Variants in NTM observed in about 807,000 individuals in gnomAD.
The protein encoded by NTM is IgLON family member 2.
NTM carries 13 observed loss-of-function variants against 42.1 expected under a neutral mutation model. That is an observed-to-expected ratio of 0.31 (90% CI 0.20 to 0.49). The LOEUF (loss-of-function observed/expected upper bound fraction) is 0.49. Among genes scored for constraint, NTM ranks in the 20% least tolerant of loss-of-function variants. NTM has a pLI of 0.99. For synonymous variants in NTM, 187 were observed against 179.2 expected (o/e 1.04, Z -0.35); for missense variants, 373 against 452.8 (o/e 0.82, Z 1.60).
chr11:131,472,761 A>G (rs1952563191), intron 1 of NTM, among the ~76,000 whole-genome samples: 1 of 152,116 alleles, frequency 6.6e-6, no homozygotes, highest in African/African-American at 2.4e-5. Flanking sequence ...TATTTAGCAT[A>G]CCCACTTGAT....
At chr11:131,590,992 G>A (rs78420587) in intron 1 of NTM, among the ~76,000 whole-genome samples, 5,512 of 152,218 alleles carry the variant, frequency 0.036, 290 homozygotes, top group African/African-American at 0.12. Context: ...GAAGGGCTCC[G>A]GGTAACCTGA....
At chr11:131,904,793 C>G (rs2053628910) in intron 1 of NTM, among the ~76,000 whole-genome samples, 2 of 152,172 alleles carry the variant, frequency 1.3e-5, no homozygotes, top group Admixed American at 1.3e-4. Context: ...TCCTCTTTTG[C>G]AAGCACAGGC....
intron 1 of NTM, among the ~76,000 whole-genome samples, chr11:131,431,199 T>A (rs1948622201): frequency 2.0e-5 from 3 of 152,104 alleles, no homozygotes; most frequent in Admixed American, 2.0e-4. Context: ...GTCATGTGCA[T>A]CTCTCATTCG....
At chr11:132,224,310 G>A (rs2085750697) in intron 4 of NTM, among the ~76,000 whole-genome samples, 1 of 152,132 alleles carries the variant, frequency 6.6e-6, no homozygotes, top group Non-Finnish European at 1.5e-5. Flanking sequence ...ATGGTCTCGG[G>A]GAGCATCTTG....
At chr11:131,875,216 T>A (rs1475602607) in intron 1 of NTM, among the ~76,000 whole-genome samples, 1 of 152,218 alleles carries the variant, frequency 6.6e-6, no homozygotes, top group Non-Finnish European at 1.5e-5. Flanking sequence ...AAATTCTGGT[T>A]TATTGGTTTT....
At chr11:132,175,627 G>A (rs186007231) in intron 3 of NTM, among the ~76,000 whole-genome samples, 70 of 150,898 alleles carry the variant, frequency 4.6e-4, no homozygotes, top group African/African-American at 1.2e-3. Context: ...TCGCTCAGTC[G>A]CCCAGGCTGG....
At chr11:132,320,527 C>T (rs2095538292) in intron 7 of NTM, among the ~76,000 whole-genome samples, 1 of 152,212 alleles carries the variant, frequency 6.6e-6, no homozygotes, top group Non-Finnish European at 1.5e-5. Context: ...GAGGGTCCTA[C>T]CCCACGGAGT....
At chr11:131,384,943 T>C (rs796984442) in intron 1 of NTM, among the ~76,000 whole-genome samples, 13 of 152,374 alleles carry the variant, frequency 8.5e-5, no homozygotes, top group African/African-American at 2.9e-4. Flanking sequence ...CTTTCTGCCA[T>C]CTGGACCTGT....
chr11:131,997,606 G>A (rs1039162525), intron 2 of NTM, among the ~76,000 whole-genome samples: 2 of 152,118 alleles, frequency 1.3e-5, no homozygotes, highest in African/African-American at 4.8e-5. Flanking sequence ...TGAACCATGT[G>A]GAACACTTGT....
chr11:131,762,301 G>A (rs2084338888), intron 1 of NTM, among the ~76,000 whole-genome samples: 1 of 152,206 alleles, frequency 6.6e-6, no homozygotes, highest in Non-Finnish European at 1.5e-5. Context: ...TGTGGGAATT[G>A]TCTCTGCTTA....
At chr11:131,712,030 C>A (rs2077207100) in intron 1 of NTM, among the ~76,000 whole-genome samples, 1 of 148,230 alleles carries the variant, frequency 6.7e-6, no homozygotes, top group African/African-American at 2.5e-5. Flanking sequence ...ATACCTAATG[C>A]TAAATGACGA....
At chr11:131,445,175 G>A (rs1260956530) in intron 1 of NTM, among the ~76,000 whole-genome samples, 1 of 152,156 alleles carries the variant, frequency 6.6e-6, no homozygotes, top group East Asian at 1.9e-4. Flanking sequence ...CAAATGATTA[G>A]AGCACACTGC....
chr11:131,432,528 G>A (rs1948733533), intron 1 of NTM, among the ~76,000 whole-genome samples: 1 of 152,114 alleles, frequency 6.6e-6, no homozygotes, highest in Non-Finnish European at 1.5e-5. Context: ...AAGACCACAT[G>A]GTTAGGACAA....
At chr11:132,066,975 G>T (rs1284946508) in intron 2 of NTM, among the ~76,000 whole-genome samples, 4 of 151,672 alleles carry the variant, frequency 2.6e-5, no homozygotes, top group Non-Finnish European at 1.5e-5. Context: ...TTTCTTTTGA[G>T]ACAGGGTCTT....
chr11:132,300,481 C>A (rs1321428733), intron 4 of NTM, among the ~76,000 whole-genome samples: 1 of 152,244 alleles, frequency 6.6e-6, no homozygotes, highest in Non-Finnish European at 1.5e-5. Flanking sequence ...TCACTGCCCC[C>A]ACAGTGCAGC....
intron 1 of NTM, among the ~76,000 whole-genome samples, chr11:131,574,981 T>C (rs938427710): frequency 6.6e-6 from 1 of 152,184 alleles, no homozygotes; most frequent in Admixed American, 6.5e-5. Flanking sequence ...TCTCTCAGGC[T>C]TGGAAGAGAC....
At chr11:132,224,875 G>C (rs1007139913) in intron 4 of NTM, among the ~76,000 whole-genome samples, 1 of 152,192 alleles carries the variant, frequency 6.6e-6, no homozygotes, top group Non-Finnish European at 1.5e-5. Flanking sequence ...TTTCTGGTTT[G>C]GCCTCCCTTA....
intron 2 of NTM, among the ~76,000 whole-genome samples, chr11:132,120,444 G>A (rs1467833211): frequency 2.0e-5 from 3 of 152,182 alleles, no homozygotes; most frequent in Non-Finnish European, 4.4e-5. Flanking sequence ...AGACACTTTA[G>A]ACCCAGCTAA....
intron 1 of NTM, among the ~76,000 whole-genome samples, chr11:131,685,229 A>G (rs2073681267): frequency 6.6e-6 from 1 of 152,190 alleles, no homozygotes; most frequent in Non-Finnish European, 1.5e-5. Context: ...GGCAGCTAGC[A>G]CTGCCCAACC....
Sources: gnomAD v4.1 joint callset for allele counts (sites outside exome capture counted in the v4.1 genomes callset) on GRCh38, gnomAD v4.1.1 for gene constraint, MANE v1.5 for transcripts, NCBI Gene and HGNC (gene_info 2026-07-23, HGNC 2026-07-21) for gene names.